The following USH2A variants were observed in gnomAD, a reference collection of about 807,000 sequenced individuals.
The protein encoded by USH2A is usherin.
Under a neutral mutation model 538.9 loss-of-function variants are expected in USH2A, and 443 were observed. That is an observed-to-expected ratio of 0.82 (90% CI 0.76 to 0.89). The LOEUF (loss-of-function observed/expected upper bound fraction) is 0.89. USH2A is among the 40% of genes least tolerant of loss of function. USH2A has a pLI of 0.00. For missense variants in USH2A, 6,633 were observed against 6,324.8 expected, an observed-to-expected ratio of 1.05 and a Z score of -1.65; for synonymous variants, 2,413 against 2,273.5, an observed-to-expected ratio of 1.06 and a Z score of -1.75.
At chr1:215,759,455 A>G (rs1170478367) in intron 57 of USH2A, among the ~76,000 whole-genome samples, 1 of 152,144 alleles carries the variant, frequency 6.6e-6, no homozygotes, top group Non-Finnish European at 1.5e-5. Flanking sequence ...TATGTCAAAC[A>G]GAAGACGAAT....
intron 40 of USH2A, among the ~76,000 whole-genome samples, chr1:215,894,261 T>C (rs1257457873): frequency 1.3e-5 from 2 of 152,196 alleles, no homozygotes; most frequent in African/African-American, 4.8e-5. Flanking sequence ...CATTTAAAAA[T>C]ATTCCGATTT....
At chr1:216,013,368 A>T (rs6695617) in intron 32 of USH2A, among the ~76,000 whole-genome samples, 1 of 151,010 alleles carries the variant, frequency 6.6e-6, no homozygotes. Flanking sequence ...ATCGCCCATT[A>T]TCTCTCCATA....
intron 9 of USH2A, among the ~76,000 whole-genome samples, chr1:216,310,034 G>A (rs1489674960): frequency 1.3e-5 from 2 of 152,058 alleles, no homozygotes; most frequent in East Asian, 3.8e-4. Flanking sequence ...TTTGTCTGAT[G>A]TTGGTACAGG....
At chr1:215,917,990 C>A (rs958553450) in intron 38 of USH2A, among the ~76,000 whole-genome samples, 7 of 151,456 alleles carry the variant, frequency 4.6e-5, no homozygotes, top group Non-Finnish European at 1.0e-4. Context: ...TGACTGAGGT[C>A]GTGTAGAAAA....
chr1:216,295,245 CTGATT>C (rs2037081796), intron 9 of USH2A, among the ~76,000 whole-genome samples: 1 of 151,450 alleles, frequency 6.6e-6, no homozygotes, highest in Non-Finnish European at 1.5e-5. Context: ...ATTAAATGTT[CTGATT>C]TAATTGTTTG....
At chr1:215,759,274 G>T (rs998006051) in intron 57 of USH2A, among the ~76,000 whole-genome samples, 2 of 152,070 alleles carry the variant, frequency 1.3e-5, no homozygotes, top group Non-Finnish European at 2.9e-5. Flanking sequence ...ACTATATGTG[G>T]TGTAGCAAGT....
intron 13 of USH2A, among the ~76,000 whole-genome samples, chr1:216,240,632 A>T (rs2102536043): frequency 6.6e-6 from 1 of 152,266 alleles, no homozygotes; most frequent in South Asian, 2.1e-4. Flanking sequence ...TAATAGTAAA[A>T]TTTCAAATCG....
At chr1:216,178,349 A>G (rs1373440159) in intron 20 of USH2A, among the ~76,000 whole-genome samples, 1 of 152,178 alleles carries the variant, frequency 6.6e-6, no homozygotes, top group Non-Finnish European at 1.5e-5. Context: ...GTAGGTTCTC[A>G]AAGATTTCAT....
At chr1:216,116,874 C>T (rs980353127) in intron 21 of USH2A, among the ~76,000 whole-genome samples, 1 of 152,042 alleles carries the variant, frequency 6.6e-6, no homozygotes, top group African/African-American at 2.4e-5. Context: ...GGATTAGGAA[C>T]TTCCTGAAGA....
intron 13 of USH2A, among the ~76,000 whole-genome samples, chr1:216,241,104 T>C (rs1409013437): frequency 3.3e-5 from 5 of 152,068 alleles, no homozygotes; most frequent in African/African-American, 4.8e-5. Flanking sequence ...ATTTATATAG[T>C]CATAATAAAG....
intron 15 of USH2A, among the ~76,000 whole-genome samples, chr1:216,214,137 G>T (rs1264637539): frequency 6.6e-6 from 1 of 151,898 alleles, no homozygotes; most frequent in African/African-American, 2.4e-5. Context: ...AAATAATTTG[G>T]CAGTTTCCTA....
At chr1:215,879,960 A>T (rs1321214561) in intron 41 of USH2A, among the ~76,000 whole-genome samples, 1 of 152,162 alleles carries the variant, frequency 6.6e-6, no homozygotes, top group African/African-American at 2.4e-5. Flanking sequence ...CTTTATATAA[A>T]TGCCAGGATA....
At chr1:215,831,362 G>C (rs1466179419) in intron 47 of USH2A, among the ~76,000 whole-genome samples, 1 of 152,022 alleles carries the variant, frequency 6.6e-6, no homozygotes, top group Non-Finnish European at 1.5e-5. Flanking sequence ...CACTCAACTT[G>C]ATCTAATTGA....
intron 11 of USH2A, among the ~76,000 whole-genome samples, chr1:216,263,143 C>T (rs777028974): frequency 2.6e-5 from 4 of 151,980 alleles, no homozygotes; most frequent in Non-Finnish European, 5.9e-5. Context: ...TAAGAGTCTC[C>T]CAACAAAGAA....
rs1229920356 is a variant in USH2A, at chr1:216,190,240, C to T, written c.4379G>A (p.Gly1460Glu). 2.5e-6 allele frequency: 4 copies of T among 1,612,200 alleles called. No individual in the cohort carries two copies. The highest frequency in any genetic ancestry group is 3.4e-6 in the Non-Finnish European group (4 of 1,178,976). ...TTGCTTACCTGCTGCTAAAGTTTGT[C>T]CTGCTCCCGAAGCACTGGTCACACA... ...VGCVTSASGAGQTLAAAPAQL... is the reference protein window; with the variant it reads ...VGCVTSASGAEQTLAAAPAQL... Residue 1460 changes from glycine to glutamate, a missense_variant, in exon 20 of 72, where the codon GGA becomes GAA. By Grantham distance (98) the Gly-to-Glu change is moderately conservative (BLOSUM62 -2). Coordinates refer to ENST00000307340, the MANE Select transcript of USH2A (RefSeq NM_206933.4).
chr1:216,023,475 A>AAAAAAAAAAAAAAAAAAAAAAAAAAC (rs1668891389), intron 32 of USH2A, among the ~76,000 whole-genome samples: 1 of 149,310 alleles, frequency 6.7e-6, no homozygotes, highest in Non-Finnish European at 1.5e-5. Flanking sequence ...AAAAAAAAAA[A>AAAAAAAAAAAAAAAAAAAAAAAAAAC]AAAAAAATCA....
At position 216,418,676 on chromosome 1, in the gene USH2A, A is replaced by C; in HGVS notation, c.489T>G (p.Cys163Trp). 6.2e-7 allele frequency: 1 copy of C among 1,612,892 alleles called. No homozygotes were observed. The highest frequency in any genetic ancestry group is 8.5e-7 in the Non-Finnish European group (1 of 1,179,320). The change falls in exon 3 of 72, where the codon TGT (cysteine) becomes TGG (tryptophan). Residue 163 changes from cysteine to tryptophan, a missense_variant. By Grantham distance (215) the Cys-to-Trp change is radical (BLOSUM62 -2). Transcript: ENST00000307340. ...GCCCATCTACTGTCTTTTCTATAAC[A>C]CACCTTAGGAAGCAACCGGAAAAGA... is the stretch of plus-strand genomic sequence containing the variant. ...WLKPEQQGVM[C>W]VIEKTVDGQI...
chr1:215,877,305 C>T (rs1366219096), intron 43 of USH2A, among the ~76,000 whole-genome samples: 1 of 152,184 alleles, frequency 6.6e-6, no homozygotes, highest in Non-Finnish European at 1.5e-5. Context: ...TTTCAAGTCC[C>T]AATCCTGTTC....
At chr1:216,201,238 T>C (rs977796443) in intron 16 of USH2A, among the ~76,000 whole-genome samples, 1 of 151,414 alleles carries the variant, frequency 6.6e-6, no homozygotes, top group African/African-American at 2.4e-5. Context: ...GGATCTGCCA[T>C]TGGCCACAAA....
Sources: allele counts gnomAD v4.1 joint callset (sites outside exome capture counted in the v4.1 genomes callset), GRCh38; gene constraint gnomAD v4.1.1; transcripts MANE v1.5; gene names NCBI Gene and HGNC (gene_info 2026-07-23, HGNC 2026-07-21).